Variants in NBAS observed in about 807,000 individuals in gnomAD.
The protein encoded by NBAS is NAG/BC035112 fusion.
In NBAS, 219 loss-of-function variants were observed where a neutral mutation model predicts 302.5. That is an observed-to-expected ratio of 0.72 (90% CI 0.65 to 0.81). The LOEUF is 0.81. Ranked by LOEUF, NBAS falls within the 30% of genes least tolerant of loss-of-function variation. The probability of loss-of-function intolerance (pLI) is 0.00; values close to 1 mark genes in which losing one functional copy is unlikely to be tolerated. For synonymous variants in NBAS, 1,118 were observed against 1,021.6 expected, an observed-to-expected ratio of 1.09 and a Z score of -1.80; for missense variants, 2,932 against 2,841.6, an observed-to-expected ratio of 1.03 and a Z score of -0.72.
chr2:14,944,084 G>T, the NBAS span, among the ~76,000 whole-genome samples: 3 of 152,206 alleles, frequency 2.0e-5, no homozygotes, highest in Non-Finnish European at 2.9e-5. Context: ...CGGATCACGA[G>T]GTCAGGAGAT....
At chr2:15,242,229 T>G (rs1277887032) in intron 44 of NBAS, among the ~76,000 whole-genome samples, 1 of 152,208 alleles carries the variant, frequency 6.6e-6, no homozygotes, top group Non-Finnish European at 1.5e-5. Context: ...GAGTTTAAAT[T>G]GTTTGACTTC....
chr2:15,220,856 TC>T (rs1666920035), intron 47 of NBAS, among the ~76,000 whole-genome samples: 1 of 152,036 alleles, frequency 6.6e-6, no homozygotes, highest in African/African-American at 2.4e-5. Context: ...AGATTACAAG[TC>T]TTTTTTTTTT....
At chr2:14,943,236 G>GTAGGA in the NBAS span, among the ~76,000 whole-genome samples, 1 of 152,208 alleles carries the variant, frequency 6.6e-6, no homozygotes, top group Non-Finnish European at 1.5e-5. Context: ...GGATACACTT[G>GTAGGA]TAGCAAGCTT....
At chr2:15,106,451 G>GTCTCTCTCTCTCTCTCTCTCTC in the NBAS span, among the ~76,000 whole-genome samples, 85 of 147,958 alleles carry the variant, frequency 5.7e-4, no homozygotes, top group African/African-American at 2.0e-3. Context: ...CTCTGTCTCT[G>GTCTCTCTCTCTCTCTCTCTCTC]TCTCTCTCTC....
At chr2:14,895,066 C>T in the NBAS span, among the ~76,000 whole-genome samples, 1 of 151,682 alleles carries the variant, frequency 6.6e-6, no homozygotes, top group African/African-American at 2.4e-5. Flanking sequence ...AAAACAAAAA[C>T]AAAAAGGCAT....
chr2:14,912,704 A>T, the NBAS span, among the ~76,000 whole-genome samples: 935 of 31,578 alleles, frequency 0.03, 5 homozygotes, highest in Middle Eastern at 0.042. Context: ...ATTCATTTTT[A>T]AAAAAAAAAA....
chr2:15,034,026 A>AGAAGAAGAAGAAGAAGAG, the NBAS span, among the ~76,000 whole-genome samples: 2 of 50,084 alleles, frequency 4.0e-5, no homozygotes, highest in Non-Finnish European at 7.2e-5. Flanking sequence ...AAGAAGAAGA[A>AGAAGAAGAAGAAGAAGAG]GAGGAGGAGG....
chr2:15,494,476 CATA>C (rs375489461), intron 11 of NBAS, among the ~76,000 whole-genome samples: 3 of 152,282 alleles, frequency 2.0e-5, no homozygotes, highest in African/African-American at 4.8e-5. Flanking sequence ...TACCTGAATC[CATA>C]ATAACACATC....
At chr2:14,997,532 C>T in the NBAS span, among the ~76,000 whole-genome samples, 1 of 151,450 alleles carries the variant, frequency 6.6e-6, no homozygotes, top group Non-Finnish European at 1.5e-5. Flanking sequence ...AGATGTACAA[C>T]ATGGTGATTT....
intron 38 of NBAS, among the ~76,000 whole-genome samples, chr2:15,310,800 A>G (rs569799437): frequency 7.9e-5 from 12 of 152,140 alleles, no homozygotes; most frequent in Non-Finnish European, 8.8e-5. Flanking sequence ...CCTGCCTTCC[A>G]TTTTTAGGCA....
intron 9 of NBAS, among the ~76,000 whole-genome samples, chr2:15,533,209 A>G (rs1663306564): frequency 6.6e-6 from 1 of 152,206 alleles, no homozygotes; most frequent in South Asian, 2.1e-4. Flanking sequence ...AAAACATTTG[A>G]CATTATCTAG....
the NBAS span, among the ~76,000 whole-genome samples, chr2:15,013,031 T>C: frequency 6.6e-6 from 1 of 152,158 alleles, no homozygotes; most frequent in Non-Finnish European, 1.5e-5. Flanking sequence ...CTAATTTTTG[T>C]GTCTTTTTGC....
intron 38 of NBAS, among the ~76,000 whole-genome samples, chr2:15,323,887 C>G (rs61553148): frequency 0.27 from 39,812 of 147,052 alleles, 5,882 homozygotes; most frequent in East Asian, 0.59. Context: ...CAAAAAAACC[C>G]GGGCCCAACT....
At chr2:15,169,040 A>G (rs1265334662) in intron 51 of NBAS, among the ~76,000 whole-genome samples, 3 of 152,238 alleles carry the variant, frequency 2.0e-5, no homozygotes, top group African/African-American at 7.2e-5. Context: ...CATTTGTTAA[A>G]TGGCTGAGTG....
At chr2:15,155,066 T>G in the NBAS span, among the ~76,000 whole-genome samples, 1 of 152,178 alleles carries the variant, frequency 6.6e-6, no homozygotes, top group Non-Finnish European at 1.5e-5. Flanking sequence ...ACTAGCTGAA[T>G]GCTAAGCTAG....
At chr2:15,050,477 T>G in the NBAS span, among the ~76,000 whole-genome samples, 1 of 152,136 alleles carries the variant, frequency 6.6e-6, no homozygotes, top group Admixed American at 6.5e-5. Flanking sequence ...ATCCCACCAT[T>G]AAGCACAGCA....
rs1679770389 is a variant in NBAS at position 15,467,427 on chromosome 2, TA to T, written c.2019-21del. ...GTCAACCTGTTTTGAATAACTATGTTAGGCCACTTATATTTACACAGAATTA... is the reference window on the plus strand; with the variant it reads ...GTCAACCTGTTTTGAATAACTATGTTGGCCACTTATATTTACACAGAATTA... On this transcript the variant is annotated intron_variant, in intron 18 of 51. Transcript: ENST00000281513. 6.4e-7 allele frequency: 1 copy of T among 1,571,998 alleles called. No individual in the cohort carries two copies. Among genetic ancestry groups the T allele is most frequent in the Admixed American group, 1.7e-5 (1 of 59,904 alleles).
intron 31 of NBAS, among the ~76,000 whole-genome samples, chr2:15,374,148 C>T (rs890256304): frequency 2.0e-5 from 3 of 152,034 alleles, no homozygotes; most frequent in East Asian, 1.9e-4. Context: ...AATTTCTTAT[C>T]GTTCCCTCTT....
chr2:15,384,505 T>C (rs1345129798), intron 28 of NBAS, among the ~76,000 whole-genome samples: 1 of 138,316 alleles, frequency 7.2e-6, no homozygotes, highest in Non-Finnish European at 1.6e-5. Flanking sequence ...GATTAACTTA[T>C]ACTAAAATAT....
Sources: allele counts gnomAD v4.1 joint callset (sites outside exome capture counted in the v4.1 genomes callset), GRCh38; gene constraint gnomAD v4.1.1; transcripts MANE v1.5; gene names NCBI Gene and HGNC (gene_info 2026-07-23, HGNC 2026-07-21).